Variants in SREK1IP1 observed in about 807,000 individuals in gnomAD.
SREK1IP1 encodes SREK1 interacting protein 1, also known as protein SREK1IP1.
A neutral mutation model predicts 22.8 loss-of-function variants in SREK1IP1; 12 were observed. The ratio of observed to expected loss-of-function variants is 0.53; its 90% confidence interval spans 0.34 to 0.85. SREK1IP1 has a LOEUF of 0.85. Ranked by LOEUF, SREK1IP1 falls within the 40% of genes least tolerant of loss-of-function variation. SREK1IP1 has a pLI of 0.02. For synonymous variants in SREK1IP1, 53 were observed against 52.7 expected (o/e 1.01, Z -0.02); for missense variants, 147 against 171.8 (o/e 0.86, Z 0.81).
intron 1 of SREK1IP1, among the ~76,000 whole-genome samples, chr5:64,758,605 G>C (rs1182920976): frequency 6.6e-6 from 1 of 152,180 alleles, no homozygotes; most frequent in East Asian, 1.9e-4. Flanking sequence ...CATAGAAACT[G>C]TAGATGCTAA....
In SREK1IP1 at chr5:64,759,601, C is replaced by T. The variant is rs528357610; in HGVS notation, c.14-5239G>A. ...TGGAAACTTGAGGAAAAAATATTTGCGCCTCATAGGACCAAAAAAGAGCAA... is the reference window on the plus strand; with the variant it reads ...TGGAAACTTGAGGAAAAAATATTTGTGCCTCATAGGACCAAAAAAGAGCAA... On this transcript the variant is annotated intron_variant, in intron 1 of 4. Transcript: ENST00000513458. Among the ~76,000 whole-genome samples, 6 of 152,118 alleles carry T rather than the reference C, an allele frequency of 3.9e-5. No homozygotes were observed. The South Asian group carries it at 6.2e-4, about 16-fold the overall frequency.
intron 2 of SREK1IP1, among the ~76,000 whole-genome samples, chr5:64,749,236 T>A (rs1382876308): frequency 1.3e-5 from 2 of 151,986 alleles, no homozygotes; most frequent in Admixed American, 1.3e-4. Flanking sequence ...TTACAGAATA[T>A]ATAGACTATG....
chr5:64,767,626 G>C (rs1424295247), intron 1 of SREK1IP1, among the ~76,000 whole-genome samples: 2 of 152,190 alleles, frequency 1.3e-5, no homozygotes, highest in Non-Finnish European at 2.9e-5. Context: ...AACAAAGTTA[G>C]GGTTCTGAAC....
chr5:64,732,337 T>C (rs1370884584), intron 3 of SREK1IP1, among the ~76,000 whole-genome samples: 3 of 152,072 alleles, frequency 2.0e-5, no homozygotes, highest in Non-Finnish European at 4.4e-5. Context: ...GACCTGACAA[T>C]TTACACAGAT....
intron 3 of SREK1IP1, among the ~76,000 whole-genome samples, chr5:64,729,264 G>C (rs1476764658): frequency 6.6e-6 from 1 of 152,138 alleles, no homozygotes; most frequent in African/African-American, 2.4e-5. Context: ...TTGCCCACAG[G>C]GAACTTATAG....
intron 1 of SREK1IP1, among the ~76,000 whole-genome samples, chr5:64,767,048 A>C (rs972258525): frequency 5.3e-5 from 8 of 152,114 alleles, no homozygotes; most frequent in African/African-American, 1.9e-4. Flanking sequence ...TACAGCTACT[A>C]CCTCTGTACT....
At chr5:64,732,388 A>G (rs1285520714) in intron 3 of SREK1IP1, among the ~76,000 whole-genome samples, 4 of 152,210 alleles carry the variant, frequency 2.6e-5, no homozygotes, top group African/African-American at 7.2e-5. Flanking sequence ...CAGCTCAGCA[A>G]GAAGAAAAAA....
chr5:64,762,253 T>A (rs1264653568), intron 1 of SREK1IP1, among the ~76,000 whole-genome samples: 1 of 152,154 alleles, frequency 6.6e-6, no homozygotes, highest in Non-Finnish European at 1.5e-5. Flanking sequence ...AGTAACTAAG[T>A]TTTTTAGTAC....
At position 64,719,982 on chromosome 5, in the gene SREK1IP1, G is replaced by A. The variant is rs968979982; in HGVS notation, c.*4402C>T. ...TCCCTGCTGAGCTAGCTTATCACTAGGTTACCTGAGGTAGAACCACAGGGC... is the reference window on the plus strand; with the variant it reads ...TCCCTGCTGAGCTAGCTTATCACTAAGTTACCTGAGGTAGAACCACAGGGC... On this transcript the variant is annotated 3_prime_UTR_variant, in exon 5 of 5. Transcript: ENST00000513458. The A allele has an allele frequency of 6.6e-6, 1 of 152,212 alleles. No individual in the cohort carries two copies. The highest frequency in any genetic ancestry group is 1.5e-5 in the Non-Finnish European group (1 of 68,044). The allele number at this position is 152,212 out of a possible 1,614,324, so 9.4% of individuals were successfully genotyped here. A position where few individuals can be genotyped will look rare whatever the true frequency, so the allele number is the denominator to read the frequency against.
intron 2 of SREK1IP1, among the ~76,000 whole-genome samples, chr5:64,741,713 C>T (rs1742553867): frequency 6.6e-6 from 1 of 152,070 alleles, no homozygotes; most frequent in Non-Finnish European, 1.5e-5. Context: ...ACATTTAATT[C>T]TTGCATCATT....
At chr5:64,754,516 G>A in intron 1 of SREK1IP1, 154 bp from the exon 2 acceptor site, 1 of 656,210 alleles carries the variant, frequency 1.5e-6, no homozygotes, top group South Asian at 1.9e-5. Flanking sequence ...CAAGGCTAGA[G>A]TACACTGACA....
intron 2 of SREK1IP1, among the ~76,000 whole-genome samples, chr5:64,742,738 C>A (rs1742571409): frequency 6.6e-6 from 1 of 152,190 alleles, no homozygotes; most frequent in Non-Finnish European, 1.5e-5. Flanking sequence ...CAAATATCCT[C>A]AAGGCTTAAT....
intron 2 of SREK1IP1, among the ~76,000 whole-genome samples, chr5:64,752,207 A>G (rs1423861690): frequency 8.0e-6 from 1 of 124,304 alleles, no homozygotes; most frequent in Middle Eastern, 5.2e-3. Flanking sequence ...GCTGGAGTGC[A>G]GTGGCGCAAT....
chr5:64,747,236 C>T (rs1447132916), intron 2 of SREK1IP1, among the ~76,000 whole-genome samples: 1 of 152,150 alleles, frequency 6.6e-6, no homozygotes, highest in Admixed American at 6.5e-5. Context: ...ATCTCTAGCT[C>T]CTCATCCTTC....
At position 64,722,773 on chromosome 5, in the gene SREK1IP1, G is replaced by A. The variant is rs1742192728; in HGVS notation, c.*1611C>T. 1 of 152,230 alleles carries A rather than the reference G, an allele frequency of 6.6e-6. No individual in the cohort carries two copies. The highest frequency in any genetic ancestry group is 1.5e-5 in the Non-Finnish European group (1 of 68,044). 9.4% of individuals were successfully genotyped at this position (152,230 alleles called of 1,614,324 possible). A position where few individuals can be genotyped will look rare whatever the true frequency, so the allele number is the denominator to read the frequency against. Reference sequence around the variant, plus strand: ...GGGTTGAAAGCGTGAGAGCTCTCATGGCTGCAATGCAGAGGGCTGTGGATA... The same window carrying A: ...GGGTTGAAAGCGTGAGAGCTCTCATAGCTGCAATGCAGAGGGCTGTGGATA... On this transcript the variant is annotated 3_prime_UTR_variant, in exon 5 of 5. Transcript: ENST00000513458.
intron 1 of SREK1IP1, among the ~76,000 whole-genome samples, chr5:64,756,783 C>T (rs1349656635): frequency 4.6e-5 from 7 of 151,932 alleles, no homozygotes; most frequent in Non-Finnish European, 7.4e-5. Flanking sequence ...CCCACCACCA[C>T]GCCCAGCTAA....
chr5:64,740,654 T>C (rs1742537562), intron 3 of SREK1IP1, among the ~76,000 whole-genome samples: 1 of 152,150 alleles, frequency 6.6e-6, no homozygotes, highest in Non-Finnish European at 1.5e-5. Context: ...ATGAGCATCA[T>C]TTGACAATCC....
intron 3 of SREK1IP1, among the ~76,000 whole-genome samples, chr5:64,736,289 T>C (rs1305671206): frequency 6.6e-6 from 1 of 152,168 alleles, no homozygotes; most frequent in Non-Finnish European, 1.5e-5. Flanking sequence ...TTGATAGTGT[T>C]ACTCAAGTCT....
intron 2 of SREK1IP1, among the ~76,000 whole-genome samples, chr5:64,752,161 T>G (rs1158653106): frequency 3.8e-4 from 54 of 142,798 alleles, no homozygotes; most frequent in African/African-American, 1.4e-3. Context: ...TTTTTTTTTT[T>G]TTTTTTTTTA....
Sources: gnomAD v4.1 joint callset for allele counts (sites outside exome capture counted in the v4.1 genomes callset) on GRCh38, gnomAD v4.1.1 for gene constraint, MANE v1.5 for transcripts, NCBI Gene and HGNC (gene_info 2026-07-23, HGNC 2026-07-21) for gene names.